GARIN1B: variants seen among roughly 807,000 people sequenced by gnomAD.
GARIN1B encodes the protein golgi associated RAB2 interactor 1B, also known as Golgi-associated RAB2 interactor protein 1B.
At chr7:128,727,930 A>G in the GARIN1B span, among the ~76,000 whole-genome samples, 1 of 152,208 alleles carries the variant, frequency 6.6e-6, no homozygotes, top group Admixed American at 6.5e-5. Context: ...AGGCTTCTCA[A>G]TTATCCACAG....
chr7:128,710,809 A>C, the GARIN1B span, among the ~76,000 whole-genome samples: 1 of 151,402 alleles, frequency 6.6e-6, no homozygotes, highest in Non-Finnish European at 1.5e-5. Context: ...ATGTGCCACC[A>C]CGCCCAGCTA....
the GARIN1B span, among the ~76,000 whole-genome samples, chr7:128,711,700 T>G: frequency 7.0e-6 from 1 of 141,944 alleles, no homozygotes; most frequent in African/African-American, 2.7e-5. Context: ...CACACACACT[T>G]ACAGTGATGT....
chr7:128,726,444 T>G, the GARIN1B span, among the ~76,000 whole-genome samples: 1 of 152,266 alleles, frequency 6.6e-6, no homozygotes, highest in East Asian at 1.9e-4. Flanking sequence ...GATTTTTCTC[T>G]CATTTGGGCT....
the GARIN1B span, chr7:128,730,044 C>G: frequency 6.2e-7 from 1 of 1,614,054 alleles, no homozygotes; most frequent in Non-Finnish European, 8.5e-7. Flanking sequence ...CAGCCTCCAC[C>G]GGGCCACAGC....
the GARIN1B span, chr7:128,717,129 G>A: frequency 1.2e-6 from 1 of 840,080 alleles, no homozygotes; most frequent in Non-Finnish European, 1.8e-6. Flanking sequence ...TTAGACAACA[G>A]AGTATCCTAA....
At chr7:128,712,406 A>G in the GARIN1B span, among the ~76,000 whole-genome samples, 2 of 152,154 alleles carry the variant, frequency 1.3e-5, no homozygotes, top group Non-Finnish European at 2.9e-5. Flanking sequence ...AACCATCACC[A>G]CCATCCATCT....
At chr7:128,718,805 G>T in the GARIN1B span, 1 of 1,608,040 alleles carries the variant, frequency 6.2e-7, no homozygotes, top group Non-Finnish European at 8.5e-7. Context: ...AGGGTTGTCA[G>T]TGTGTGTCTT....
chr7:128,731,269 G>A, the GARIN1B span: 1 of 787,214 alleles, frequency 1.3e-6, no homozygotes, highest in Non-Finnish European at 2.2e-6. Flanking sequence ...CTTTCCAGCT[G>A]TACATAACCA....
the GARIN1B span, chr7:128,715,226 G>A: frequency 2.0e-6 from 2 of 985,240 alleles, no homozygotes; most frequent in Non-Finnish European, 2.4e-6. Context: ...GCTGGGGAAT[G>A]TCCAGGCACG....
the GARIN1B span, chr7:128,723,547 T>A: frequency 3.9e-5 from 10 of 256,738 alleles, no homozygotes; most frequent in Non-Finnish European, 6.5e-5. Flanking sequence ...CCACTCACTA[T>A]CCAGTCTTTT....
the GARIN1B span, chr7:128,716,827 G>T: frequency 6.2e-7 from 1 of 1,610,968 alleles, no homozygotes; most frequent in East Asian, 2.2e-5. Context: ...AAAGGGGCAG[G>T]AATTGGAGAG....
the GARIN1B span, among the ~76,000 whole-genome samples, chr7:128,717,902 C>T: frequency 6.6e-6 from 1 of 152,086 alleles, no homozygotes; most frequent in Admixed American, 6.5e-5. Context: ...TCTCAAGAAT[C>T]TCTAGAAATT....
chr7:128,714,369 G>A, the GARIN1B span, among the ~76,000 whole-genome samples: 1 of 152,094 alleles, frequency 6.6e-6, no homozygotes, highest in Non-Finnish European at 1.5e-5. Flanking sequence ...CTGAGGTCAG[G>A]AGTTCGAGAC....
chr7:128,729,822 AC>A, the GARIN1B span: 49 of 1,459,968 alleles, frequency 3.4e-5, no homozygotes, highest in Admixed American at 3.6e-5. Context: ...CATCGTAAGC[AC>A]CCCCCCAAAT....
chr7:128,711,895 G>T, the GARIN1B span, among the ~76,000 whole-genome samples: 1 of 152,112 alleles, frequency 6.6e-6, no homozygotes, highest in Non-Finnish European at 1.5e-5. Flanking sequence ...ACAAAAAGTA[G>T]CCAGGCATGT....
chr7:128,716,872 G>C, the GARIN1B span: 1 of 1,613,898 alleles, frequency 6.2e-7, no homozygotes. Context: ...TGGCCCTGGG[G>C]GTGACCTCCT....
At chr7:128,731,513 T>G in the GARIN1B span, 1 of 278,330 alleles carries the variant, frequency 3.6e-6, no homozygotes, top group East Asian at 7.3e-5. Flanking sequence ...AGAGACTTGG[T>G]AGACGAGATA....
chr7:128,717,089 G>C, the GARIN1B span: 3 of 1,178,136 alleles, frequency 2.5e-6, no homozygotes, highest in Non-Finnish European at 3.6e-6. Context: ...GGAGAAGATA[G>C]AGATGTCATC....
the GARIN1B span, among the ~76,000 whole-genome samples, chr7:128,725,802 G>A: frequency 5.3e-5 from 8 of 150,760 alleles, no homozygotes; most frequent in Non-Finnish European, 1.2e-4. Flanking sequence ...GCATAGACAT[G>A]TACACAACAC....
Sources: gnomAD v4.1 joint callset for allele counts (sites outside exome capture counted in the v4.1 genomes callset) on GRCh38, gnomAD v4.1.1 for gene constraint, MANE v1.5 for transcripts, NCBI Gene and HGNC (gene_info 2026-07-23, HGNC 2026-07-21) for gene names.